PSMA1: variants seen among roughly 807,000 people sequenced by gnomAD.
PSMA1 encodes the protein proteasome 20S subunit alpha 1, also known as proteasome subunit alpha type-1.
PSMA1 carries 3 observed loss-of-function variants against 38.4 expected under a neutral mutation model. The observed-to-expected ratio is 0.08, with a 90% CI of 0.04 to 0.20. PSMA1 has a LOEUF of 0.20. PSMA1 is among the 10% of genes least tolerant of loss of function. The pLI, the probability that PSMA1 is intolerant of heterozygous loss-of-function variation, is 1.00. For synonymous variants in PSMA1, 101 were observed against 107.1 expected (o/e 0.94, Z 0.35); for missense variants, 227 against 325.3 (o/e 0.70, Z 2.32).
At chr11:14,598,160 TA>T (rs1852525857) in intron 2 of PSMA1, among the ~76,000 whole-genome samples, 1 of 152,216 alleles carries the variant, frequency 6.6e-6, no homozygotes, top group African/African-American at 2.4e-5. Context: ...AGGAGTGCTT[TA>T]CTTCCAAATA....
At chr11:14,606,928 G>A (rs1245963051) in intron 2 of PSMA1, among the ~76,000 whole-genome samples, 1 of 152,198 alleles carries the variant, frequency 6.6e-6, no homozygotes, top group Admixed American at 6.5e-5. Context: ...CTGACACATA[G>A]CCCCAGGCAT....
intron 1 of PSMA1, among the ~76,000 whole-genome samples, chr11:14,628,208 G>A (rs1406393616): frequency 6.6e-6 from 1 of 151,532 alleles, no homozygotes; most frequent in African/African-American, 2.4e-5. Flanking sequence ...GGGTACACGT[G>A]CACATTGTGC....
At chr11:14,530,273 A>G (rs1442336978) in intron 2 of PSMA1, among the ~76,000 whole-genome samples, 1 of 152,168 alleles carries the variant, frequency 6.6e-6, no homozygotes, top group African/African-American at 2.4e-5. Context: ...TCTAAACTCC[A>G]GTCTCTGAAT....
intron 2 of PSMA1, among the ~76,000 whole-genome samples, chr11:14,547,635 G>A (rs1309201140): frequency 6.6e-6 from 1 of 152,038 alleles, no homozygotes; most frequent in African/African-American, 2.4e-5. Context: ...CAGAGATTTG[G>A]ACACACACTC....
chr11:14,603,052 C>T (rs1341553852), intron 2 of PSMA1, among the ~76,000 whole-genome samples: 1 of 152,230 alleles, frequency 6.6e-6, no homozygotes, highest in Non-Finnish European at 1.5e-5. Flanking sequence ...CAGCTTGGAA[C>T]ATCAGCCAGA....
intron 2 of PSMA1, among the ~76,000 whole-genome samples, chr11:14,586,592 A>G (rs1172773858): frequency 1.3e-5 from 2 of 152,156 alleles, no homozygotes; most frequent in East Asian, 1.9e-4. Flanking sequence ...AATGAATAGT[A>G]TTCTTTGCCC....
At chr11:14,608,321 C>G (rs980448974) in intron 2 of PSMA1, among the ~76,000 whole-genome samples, 1 of 151,718 alleles carries the variant, frequency 6.6e-6, no homozygotes, top group African/African-American at 2.4e-5. Flanking sequence ...TGCACTTAAG[C>G]CTGGGTCATA....
intron 1 of PSMA1, chr11:14,520,082 G>T: frequency 1.5e-6 from 1 of 686,858 alleles, no homozygotes; most frequent in Non-Finnish European, 2.5e-6. Context: ...AGGCTCCCCG[G>T]GAAGCGAAAG....
intron 2 of PSMA1, among the ~76,000 whole-genome samples, chr11:14,556,555 T>C (rs1170547047): frequency 6.6e-6 from 1 of 152,190 alleles, no homozygotes; most frequent in Non-Finnish European, 1.5e-5. Flanking sequence ...AAAACACATT[T>C]CCTTCAGCTT....
rs1316533525 is a variant in PSMA1 at position 14,621,817 on chromosome 11, C to T, written c.-165-10666G>A. Among the ~76,000 whole-genome samples, 4 of 152,126 alleles carry T rather than the reference C, an allele frequency of 2.6e-5. No homozygotes were observed. The East Asian group carries it at 7.7e-4, about 29-fold the overall frequency. Reference sequence around the variant, plus strand: ...TTTAAACTTATGGTCAAGGAGTTAGCTTAATGTCAATCTCTCTATCATATC... The same window carrying T: ...TTTAAACTTATGGTCAAGGAGTTAGTTTAATGTCAATCTCTCTATCATATC... On this transcript the variant is annotated intron_variant, in intron 1 of 10. Coordinates refer to the PSMA1 transcript ENST00000418988.
chr11:14,535,783 T>C (rs528613728), intron 2 of PSMA1, among the ~76,000 whole-genome samples: 153 of 152,320 alleles, frequency 1.0e-3, no homozygotes, highest in African/African-American at 3.4e-3. Flanking sequence ...TATTTGGATT[T>C]TTTTTATTCT....
At chr11:14,543,262 C>T (rs758388846) in intron 2 of PSMA1, among the ~76,000 whole-genome samples, 16 of 152,174 alleles carry the variant, frequency 1.1e-4, no homozygotes, top group Non-Finnish European at 2.1e-4. Context: ...ACTCTGGAGG[C>T]TGAAGGGAGA....
chr11:14,593,107 C>T (rs781078249), intron 2 of PSMA1, among the ~76,000 whole-genome samples: 25 of 152,168 alleles, frequency 1.6e-4, no homozygotes, highest in Non-Finnish European at 3.2e-4. Flanking sequence ...GATGAATTAT[C>T]TCACCCACTT....
At chr11:14,608,657 A>T (rs1396202908) in intron 2 of PSMA1, among the ~76,000 whole-genome samples, 1 of 147,650 alleles carries the variant, frequency 6.8e-6, no homozygotes, top group Non-Finnish European at 1.5e-5. Flanking sequence ...ATAAAGCAAG[A>T]TCCTGTCTGT....
At chr11:14,607,643 C>T (rs1047003499) in intron 2 of PSMA1, among the ~76,000 whole-genome samples, 2 of 152,004 alleles carry the variant, frequency 1.3e-5, no homozygotes, top group Non-Finnish European at 2.9e-5. Flanking sequence ...GCAGGGGGAG[C>T]AGGTGAAGGC....
chr11:14,620,086 G>A (rs774299656), intron 1 of PSMA1, among the ~76,000 whole-genome samples: 1 of 151,914 alleles, frequency 6.6e-6, no homozygotes, highest in South Asian at 2.1e-4. Flanking sequence ...GTGTGTGTAT[G>A]TGTATGTGTA....
chr11:14,629,486 G>A (rs1384545580), intron 1 of PSMA1, among the ~76,000 whole-genome samples: 4 of 151,074 alleles, frequency 2.6e-5, no homozygotes, highest in Admixed American at 6.6e-5. Flanking sequence ...GTAGATATGC[G>A]GTGTTATTTC....
chr11:14,638,346 A>T (rs58650431), intron 1 of PSMA1, among the ~76,000 whole-genome samples: 1,866 of 151,988 alleles, frequency 0.012, 32 homozygotes, highest in African/African-American at 0.043. Context: ...TAATAGTAAT[A>T]TAACTGCAAT....
chr11:14,600,557 G>A (rs1025910764), intron 2 of PSMA1, among the ~76,000 whole-genome samples: 7 of 152,222 alleles, frequency 4.6e-5, no homozygotes, highest in African/African-American at 9.6e-5. Flanking sequence ...AGCCAGGCAC[G>A]GAAGAGAATC....
Sources: gnomAD v4.1 joint callset for allele counts (sites outside exome capture counted in the v4.1 genomes callset) on GRCh38, gnomAD v4.1.1 for gene constraint, MANE v1.5 for transcripts, NCBI Gene and HGNC (gene_info 2026-07-23, HGNC 2026-07-21) for gene names.